The following MTUS2 variants were observed in gnomAD, a reference collection of about 807,000 sequenced individuals.
MTUS2 encodes the protein microtubule-associated tumor suppressor candidate 2.
In MTUS2, 40 loss-of-function variants were observed where a neutral mutation model predicts 114.1. The observed-to-expected ratio is 0.35, with a 90% CI of 0.27 to 0.46. The LOEUF (loss-of-function observed/expected upper bound fraction) is 0.46, where lower values mean the gene tolerates loss of function less well. MTUS2 is among the 20% of genes least tolerant of loss of function. MTUS2 has a pLI of 1.00. For missense variants in MTUS2, 1,679 were observed against 1,705.4 expected, an observed-to-expected ratio of 0.98 and a Z score of 0.27; for synonymous variants, 688 against 672.0, an observed-to-expected ratio of 1.02 and a Z score of -0.37.
At position 28,899,415 on chromosome 13, in the gene MTUS2, T is replaced by C. The variant is rs1298970960; in HGVS notation, c.-243+59565T>C. On this transcript the variant is annotated intron_variant, in intron 2 of 15. Coordinates refer to ENST00000612955, the MANE Select transcript of MTUS2 (RefSeq NM_001033602.4). ...GCTGTAAGAAATCGAGCTGTTTCTTTTTCTTTTTTTTTGAGACATAGTCTC... is the reference window on the plus strand; with the variant it reads ...GCTGTAAGAAATCGAGCTGTTTCTTCTTCTTTTTTTTTGAGACATAGTCTC... Among the ~76,000 whole-genome samples the C allele has an allele frequency of 2.6e-5, 4 of 152,296 alleles. No homozygotes were observed. The East Asian group carries it at 7.7e-4, about 29-fold the overall frequency.
In MTUS2 at chr13:29,200,521, G is replaced by GTTTTTTTTTTTTT. The variant is rs56965083; in HGVS notation, c.2645-81179_2645-81167dup. 1.0e-3 allele frequency among the ~76,000 whole-genome samples: 86 copies of GTTTTTTTTTTTTT among 85,396 alleles called. 5 individuals are homozygous for GTTTTTTTTTTTTT. The highest frequency in any genetic ancestry group is 1.2e-3 in the Non-Finnish European group (56 of 47,700). 56.0% of individuals were successfully genotyped at this position (85,396 alleles called of 152,430 possible). A position where few individuals can be genotyped will look rare whatever the true frequency, so the allele number is the denominator to read the frequency against. ...TGGTTTTGAGTGAGTTTCTTTTTCT[G>GTTTTTTTTTTTTT]TTTTTTTTTTTTTTTTGAGATGGAG... On this transcript the variant is annotated intron_variant, in intron 5 of 15. Transcript: ENST00000612955.
intron 2 of MTUS2, among the ~76,000 whole-genome samples, chr13:29,020,626 G>A (rs1886253807): frequency 6.6e-6 from 1 of 152,188 alleles, no homozygotes; most frequent in Admixed American, 6.5e-5. Context: ...TGTCTTATGT[G>A]AACTTCCACG....
intron 5 of MTUS2, among the ~76,000 whole-genome samples, chr13:29,245,357 A>G (rs1051948805): frequency 2.0e-5 from 3 of 152,198 alleles, no homozygotes; most frequent in African/African-American, 7.2e-5. Flanking sequence ...TCTGCAGGGA[A>G]AAAGGAATCC....
chr13:28,890,604 T>G (rs553968291), intron 2 of MTUS2, among the ~76,000 whole-genome samples: 6 of 152,358 alleles, frequency 3.9e-5, no homozygotes, highest in African/African-American at 1.4e-4. Flanking sequence ...GCTAGTCTTC[T>G]TAGTTATATA....
intron 8 of MTUS2, among the ~76,000 whole-genome samples, chr13:29,403,825 T>C (rs1047871098): frequency 1.3e-5 from 2 of 152,174 alleles, no homozygotes; most frequent in Non-Finnish European, 2.9e-5. Flanking sequence ...GCCAATTCCT[T>C]ATTCTTTCGA....
At chr13:28,830,943 C>G (rs1269761084) in intron 1 of MTUS2, among the ~76,000 whole-genome samples, 8 of 151,990 alleles carry the variant, frequency 5.3e-5, no homozygotes, top group African/African-American at 1.7e-4. Context: ...CAAAAAAGAA[C>G]AAAAGATTAA....
At chr13:29,186,858 G>A (rs553393099) in intron 5 of MTUS2, among the ~76,000 whole-genome samples, 7 of 152,200 alleles carry the variant, frequency 4.6e-5, no homozygotes, top group East Asian at 1.9e-4. Context: ...CAGGACAGAC[G>A]AAAATGTTAG....
intron 2 of MTUS2, among the ~76,000 whole-genome samples, chr13:28,855,742 C>G (rs969066686): frequency 3.4e-4 from 52 of 152,110 alleles, no homozygotes; most frequent in African/African-American, 1.3e-3. Context: ...CATACACATG[C>G]ATGTATCTTT....
chr13:28,862,013 G>C (rs968497463), intron 2 of MTUS2, among the ~76,000 whole-genome samples: 1 of 152,038 alleles, frequency 6.6e-6, no homozygotes, highest in Non-Finnish European at 1.5e-5. Flanking sequence ...CTTAACATAG[G>C]AGAGAGAGAG....
At position 29,422,126 on chromosome 13, in the gene MTUS2, G is replaced by T. The variant is rs189977975; in HGVS notation, c.3118-17857G>T. Among the ~76,000 whole-genome samples the T allele has an allele frequency of 2.6e-5, 4 of 152,278 alleles. No homozygotes were observed. In the East Asian group the frequency reaches 7.7e-4, roughly 29 times the overall value. Reference sequence around the variant, plus strand: ...TCCCTATGCCCAGATTCCTTATCCAGGTTATCACACAAGCCTGAAGTTCTA... The same window carrying T: ...TCCCTATGCCCAGATTCCTTATCCATGTTATCACACAAGCCTGAAGTTCTA... On this transcript the variant is annotated intron_variant, in intron 8 of 15. Transcript: ENST00000612955.
Position 29,497,280 on chromosome 13 carries a change from G to A in MTUS2, c.3622G>A (p.Asp1208Asn). Residue 1208 changes from aspartate (D) to asparagine (N), a missense_variant, in exon 13 of 16, where the codon GAC becomes AAC. Transcript: ENST00000612955. ...GACCTTCCAGAGCCAGTCTCTGCGG[G>A]ACAGAGCCCGCCGCTTCGAAGAGGC... Reference protein sequence around the residue: ...TLTFQSQSLRDRARRFEEALR... With the variant: ...TLTFQSQSLRNRARRFEEALR... 2.5e-6 allele frequency: 4 copies of A among 1,612,142 alleles called. No homozygotes were observed. The highest frequency in any genetic ancestry group is 3.4e-6 in the Non-Finnish European group (4 of 1,179,920).
At chr13:29,186,525 A>G (rs2182989) in intron 5 of MTUS2, among the ~76,000 whole-genome samples, 85,924 of 152,112 alleles carry the variant, frequency 0.56, 24,464 homozygotes, top group Admixed American at 0.57. Context: ...AACAATTATC[A>G]TTAGAGATGA....
intron 7 of MTUS2, 104 bp from the exon 8 acceptor site, chr13:29,359,158 C>T: frequency 2.7e-6 from 3 of 1,122,838 alleles, no homozygotes; most frequent in Non-Finnish European, 3.7e-6. Context: ...TGGGCAATTT[C>T]TTCTCTACCA....
intron 5 of MTUS2, among the ~76,000 whole-genome samples, chr13:29,277,242 T>C (rs1356232053): frequency 6.6e-6 from 1 of 152,206 alleles, no homozygotes; most frequent in Non-Finnish European, 1.5e-5. Flanking sequence ...TGTATCTCTA[T>C]CATGTAACGT....
chr13:29,201,394 CTG>C (rs1431446613), intron 5 of MTUS2, among the ~76,000 whole-genome samples: 6 of 151,486 alleles, frequency 4.0e-5, no homozygotes, highest in Admixed American at 6.6e-5. Flanking sequence ...TGTTTTGAGC[CTG>C]TGTGTGTCTT....
chr13:29,356,412 G>C (rs1869746578), intron 7 of MTUS2, among the ~76,000 whole-genome samples: 1 of 152,202 alleles, frequency 6.6e-6, no homozygotes, highest in African/African-American at 2.4e-5. Flanking sequence ...CAGCTCTTGA[G>C]AGAAAAATGA....
intron 9 of MTUS2, among the ~76,000 whole-genome samples, chr13:29,470,582 A>G (rs962271217): frequency 7.2e-5 from 11 of 152,146 alleles, no homozygotes; most frequent in African/African-American, 2.7e-4. Context: ...TGCCTCCTAC[A>G]GTCTGTTCTC....
Position 29,274,102 on chromosome 13 carries a change from TTTTGTTTG to T in MTUS2, c.2645-7582_2645-7575del, listed in dbSNP as rs58871176. Reference sequence around the variant, plus strand: ...GGTTTTTTGTTCTGTTTGTTTTTTGTTTTGTTTGTTTGTTTGTTTGTTTGTTTTTGAGA... The same window carrying T: ...GGTTTTTTGTTCTGTTTGTTTTTTGTTTTGTTTGTTTGTTTGTTTTTGAGA... On this transcript the variant is annotated intron_variant, in intron 5 of 15. Coordinates refer to ENST00000612955, the MANE Select transcript of MTUS2 (RefSeq NM_001033602.4). 8.6e-5 allele frequency among the ~76,000 whole-genome samples: 13 copies of T among 151,910 alleles called. 1 individual carries two copies. Among genetic ancestry groups the T allele is most frequent in the East Asian group, 3.9e-4 (2 of 5,166 alleles).
At chr13:29,258,074 TA>T (rs1897338748) in intron 5 of MTUS2, among the ~76,000 whole-genome samples, 1 of 152,200 alleles carries the variant, frequency 6.6e-6, no homozygotes, top group Non-Finnish European at 1.5e-5. Flanking sequence ...ACTTAGCTGC[TA>T]AAAACACCTA....
Sources: gnomAD v4.1 joint callset for allele counts (sites outside exome capture counted in the v4.1 genomes callset) on GRCh38, gnomAD v4.1.1 for gene constraint, MANE v1.5 for transcripts, NCBI Gene and HGNC (gene_info 2026-07-23, HGNC 2026-07-21) for gene names.